PCDH15: variants seen among roughly 807,000 people sequenced by gnomAD.
PCDH15 encodes protocadherin-15.
In PCDH15, 129 loss-of-function variants were observed where a neutral mutation model predicts 178.5. The observed-to-expected ratio is 0.72, with a 90% CI of 0.63 to 0.84. The LOEUF (loss-of-function observed/expected upper bound fraction) is 0.84, where lower values mean the gene tolerates loss of function less well. Among genes scored for constraint, PCDH15 ranks in the 40% least tolerant of loss-of-function variants. The probability of loss-of-function intolerance (pLI) is 0.00; values close to 1 mark genes in which losing one functional copy is unlikely to be tolerated. For missense variants in PCDH15, 2,230 were observed against 2,099.9 expected (o/e 1.06, Z -1.21); for synonymous variants, 800 against 732.0 (o/e 1.09, Z -1.50).
At chr10:55,231,306 A>G (rs1592006334) in intron 1 of PCDH15, among the ~76,000 whole-genome samples, 1 of 152,024 alleles carries the variant, frequency 6.6e-6, no homozygotes, top group East Asian at 1.9e-4. Flanking sequence ...AATAAAACCA[A>G]TGTAATTCTT....
intron 20 of PCDH15, among the ~76,000 whole-genome samples, chr10:53,999,610 G>T (rs1027694164): frequency 6.6e-6 from 1 of 152,142 alleles, no homozygotes; most frequent in Admixed American, 6.5e-5. Flanking sequence ...CTCCCCAAGG[G>T]TCTTTGATAG....
intron 1 of PCDH15, among the ~76,000 whole-genome samples, chr10:55,268,068 T>A (rs1343960909): frequency 2.0e-5 from 3 of 152,204 alleles, no homozygotes; most frequent in Non-Finnish European, 4.4e-5. Flanking sequence ...GTTATAACTC[T>A]CCCTCAAAGT....
intron 2 of PCDH15, among the ~76,000 whole-genome samples, chr10:55,069,785 A>C (rs1043945264): frequency 6.7e-6 from 1 of 148,682 alleles, no homozygotes; most frequent in African/African-American, 2.5e-5. Flanking sequence ...TCCTTTGGGT[A>C]TATACCCAGT....
intron 5 of PCDH15, among the ~76,000 whole-genome samples, chr10:54,351,777 A>G (rs1944228160): frequency 6.6e-6 from 1 of 152,104 alleles, no homozygotes; most frequent in South Asian, 2.1e-4. Flanking sequence ...TGCTTCCATG[A>G]AGAAAAATAT....
chr10:54,024,469 T>C (rs116291807), intron 18 of PCDH15, among the ~76,000 whole-genome samples: 2,474 of 152,264 alleles, frequency 0.016, 62 homozygotes, highest in African/African-American at 0.057. Flanking sequence ...TTACAGGCAA[T>C]GGTAAAGCAT....
intron 2 of PCDH15, among the ~76,000 whole-genome samples, chr10:55,408,323 C>T (rs1838251949): frequency 6.6e-6 from 1 of 151,858 alleles, no homozygotes; most frequent in Admixed American, 6.6e-5. Flanking sequence ...GTAGCTGAGA[C>T]TACAGGCACC....
intron 8 of PCDH15, among the ~76,000 whole-genome samples, chr10:54,280,357 G>A (rs553829461): frequency 2.7e-5 from 4 of 150,516 alleles, no homozygotes; most frequent in East Asian, 3.9e-4. Flanking sequence ...AACCACAACC[G>A]GGTGTCTCTA....
At chr10:54,061,113 T>G (rs946892924) in intron 18 of PCDH15, among the ~76,000 whole-genome samples, 1 of 152,160 alleles carries the variant, frequency 6.6e-6, no homozygotes, top group Non-Finnish European at 1.5e-5. Context: ...AGAATATGAC[T>G]GCATTTGGGG....
chr10:55,097,684 CCAGATAGATAGATAGATAGAGAGA>C (rs1341077236), intron 2 of PCDH15, among the ~76,000 whole-genome samples: 70 of 151,704 alleles, frequency 4.6e-4, no homozygotes, highest in African/African-American at 1.6e-3. Context: ...TAAGAAGTCA[CCAGATAGATAGATAGATAGAGAGA>C]CAGATAGATA....
chr10:55,583,496 C>T (rs187804540), intron 2 of PCDH15, among the ~76,000 whole-genome samples: 2 of 152,136 alleles, frequency 1.3e-5, no homozygotes, highest in Non-Finnish European at 1.5e-5. Context: ...TGCAGTGGCA[C>T]GATCTCAGCT....
chr10:55,334,310 A>ATT lies in PCDH15; in HGVS notation c.-155-167660_-155-167659insAA, dbSNP rs200598257. On this transcript the variant is annotated intron_variant, in intron 2 of 5. Coordinates refer to the PCDH15 transcript ENST00000613346. ...TATGTGTATATATCTATATATATAT[A>ATT]TATATTTTTTTTTTGAGACAGAGTT... Among the ~76,000 whole-genome samples the ATT allele has an allele frequency of 3.4e-3, 425 of 125,872 alleles. 15 individuals carry two copies. Among genetic ancestry groups the ATT allele is most frequent in the African/African-American group, 0.013 (368 of 28,536 alleles). The allele number at this position is 125,872 out of a possible 152,430, so 82.6% of individuals were successfully genotyped here. A position where few individuals can be genotyped will look rare whatever the true frequency, so the allele number is the denominator to read the frequency against.
At chr10:54,738,183 G>A (rs117868546) in intron 1 of PCDH15, among the ~76,000 whole-genome samples, 3,133 of 152,150 alleles carry the variant, frequency 0.021, 61 homozygotes, top group Middle Eastern at 0.034. Context: ...AGAAATTTGG[G>A]TTTTACTCAG....
intron 2 of PCDH15, among the ~76,000 whole-genome samples, chr10:55,108,131 A>C (rs921296444): frequency 3.9e-5 from 6 of 152,168 alleles, no homozygotes; most frequent in Admixed American, 6.6e-5. Flanking sequence ...GGCCTTCATC[A>C]GACACCAAAA....
At chr10:54,124,267 A>G (rs1337724389) in intron 15 of PCDH15, among the ~76,000 whole-genome samples, 3 of 152,216 alleles carry the variant, frequency 2.0e-5, no homozygotes, top group Admixed American at 6.6e-5. Flanking sequence ...TTCCACTTAT[A>G]TAAGGTAGCT....
At chr10:53,887,838 A>C (rs979094476) in intron 26 of PCDH15, among the ~76,000 whole-genome samples, 1 of 152,142 alleles carries the variant, frequency 6.6e-6, no homozygotes, top group Non-Finnish European at 1.5e-5. Context: ...GCAGTGAGCC[A>C]AGATCGCGCC....
At chr10:53,863,138 G>C (rs2133110675) in intron 27 of PCDH15, among the ~76,000 whole-genome samples, 1 of 152,270 alleles carries the variant, frequency 6.6e-6, no homozygotes, top group South Asian at 2.1e-4. Flanking sequence ...CTGGTGTTCA[G>C]GAATGATCTT....
intron 2 of PCDH15, among the ~76,000 whole-genome samples, chr10:55,006,127 G>A (rs1223395647): frequency 2.6e-5 from 4 of 151,770 alleles, no homozygotes; most frequent in African/African-American, 4.8e-5. Context: ...TATCCTTTTA[G>A]CAATTTTCAA....
intron 3 of PCDH15, among the ~76,000 whole-genome samples, chr10:54,464,341 CAG>C (rs1379774586): frequency 1.3e-5 from 2 of 151,962 alleles, no homozygotes; most frequent in Admixed American, 1.3e-4. Context: ...AAGTTCGAAA[CAG>C]AGTGCTTATA....
At chr10:55,170,271 C>A (rs1839298030) in intron 1 of PCDH15, among the ~76,000 whole-genome samples, 1 of 151,744 alleles carries the variant, frequency 6.6e-6, no homozygotes, top group South Asian at 2.1e-4. Context: ...TGCCTCAGCC[C>A]CCCAGGTAGC....
Sources: allele counts gnomAD v4.1 joint callset (sites outside exome capture counted in the v4.1 genomes callset), GRCh38; gene constraint gnomAD v4.1.1; transcripts MANE v1.5; gene names NCBI Gene and HGNC (gene_info 2026-07-23, HGNC 2026-07-21).